BMAL2: variants seen among roughly 807,000 people sequenced by gnomAD.
BMAL2 encodes basic helix-loop-helix ARNT like 2.
At chr12:27,354,046 A>T in the BMAL2 span, among the ~76,000 whole-genome samples, 2 of 152,216 alleles carry the variant, frequency 1.3e-5, no homozygotes, top group African/African-American at 2.4e-5. Flanking sequence ...CTACCATCTG[A>T]CCTAGCAATC....
chr12:27,411,389 A>G, the BMAL2 span, among the ~76,000 whole-genome samples: 1 of 152,020 alleles, frequency 6.6e-6, no homozygotes, highest in African/African-American at 2.4e-5. Context: ...AGGCCAAGGT[A>G]GAGGATCACT....
chr12:27,343,268 CTTCCTTTTTTAAAAAAAGGCTCT>C, the BMAL2 span, among the ~76,000 whole-genome samples: 2 of 152,206 alleles, frequency 1.3e-5, no homozygotes, highest in Non-Finnish European at 2.9e-5. Flanking sequence ...CAGTGTCCTG[CTTCCTTTTTTAAAAAAAGGCTCT>C]TTCCTTTTTT....
the BMAL2 span, chr12:27,385,420 T>G: frequency 2.9e-5 from 29 of 1,003,766 alleles, no homozygotes; most frequent in East Asian, 7.0e-4. Flanking sequence ...TTGCTAATGT[T>G]CATTAAGCAT....
the BMAL2 span, among the ~76,000 whole-genome samples, chr12:27,369,846 T>C: frequency 3.3e-5 from 5 of 152,154 alleles, no homozygotes; most frequent in Admixed American, 6.6e-5. Context: ...GTACTGACAG[T>C]ATGGCATTTT....
At chr12:27,402,744 T>C in the BMAL2 span, 82 of 1,441,690 alleles carry the variant, frequency 5.7e-5, no homozygotes, top group Middle Eastern at 6.7e-4. Flanking sequence ...TTACTATCTT[T>C]TTCTGTCCTG....
the BMAL2 span, among the ~76,000 whole-genome samples, chr12:27,414,586 T>G: frequency 2.6e-5 from 4 of 151,920 alleles, no homozygotes; most frequent in Non-Finnish European, 5.9e-5. Context: ...AAGGGGAAAT[T>G]TAAAAATCTT....
chr12:27,409,668 C>T, the BMAL2 span, among the ~76,000 whole-genome samples: 1 of 152,188 alleles, frequency 6.6e-6, no homozygotes, highest in Non-Finnish European at 1.5e-5. Context: ...GCATACCATT[C>T]AGGACATAGG....
chr12:27,417,505 C>G, the BMAL2 span, among the ~76,000 whole-genome samples: 1 of 152,142 alleles, frequency 6.6e-6, no homozygotes, highest in Admixed American at 6.5e-5. Flanking sequence ...ATCATGGCTT[C>G]AACACCTTGG....
chr12:27,404,932 C>T, the BMAL2 span, among the ~76,000 whole-genome samples: 19 of 152,196 alleles, frequency 1.2e-4, no homozygotes, highest in African/African-American at 4.3e-4. Flanking sequence ...TCTTAGCAAG[C>T]AGCACACCAG....
chr12:27,407,722 A>G, the BMAL2 span, among the ~76,000 whole-genome samples: 20 of 150,414 alleles, frequency 1.3e-4, no homozygotes, highest in Admixed American at 3.3e-4. Context: ...AAGCTAGCAG[A>G]AGACAAGAAA....
chr12:27,361,223 G>C, the BMAL2 span, among the ~76,000 whole-genome samples: 1,145 of 152,116 alleles, frequency 7.5e-3, 4 homozygotes, highest in Non-Finnish European at 0.012. Flanking sequence ...GGCTTCCCTT[G>C]GTTATGACTT....
the BMAL2 span, chr12:27,400,422 T>C: frequency 1.1e-6 from 1 of 903,244 alleles, no homozygotes. Flanking sequence ...TATTTTAGCA[T>C]ATTTAAAGAG....
the BMAL2 span, among the ~76,000 whole-genome samples, chr12:27,346,003 G>A: frequency 6.6e-6 from 1 of 152,160 alleles, no homozygotes; most frequent in African/African-American, 2.4e-5. Flanking sequence ...TAAAAAATTA[G>A]CCAGAAAACC....
At chr12:27,362,466 A>G in the BMAL2 span, among the ~76,000 whole-genome samples, 1 of 152,186 alleles carries the variant, frequency 6.6e-6, no homozygotes, top group South Asian at 2.1e-4. Context: ...AGATGGTAAA[A>G]ATAATGTGTA....
the BMAL2 span, chr12:27,376,431 A>C: frequency 2.5e-6 from 4 of 1,585,286 alleles, no homozygotes; most frequent in African/African-American, 1.3e-5. Context: ...GTGGAAAGGT[A>C]CACAAAGGCA....
the BMAL2 span, among the ~76,000 whole-genome samples, chr12:27,353,230 T>C: frequency 6.6e-6 from 1 of 152,090 alleles, no homozygotes; most frequent in Non-Finnish European, 1.5e-5. Flanking sequence ...AAAACAGACA[T>C]GTAGACCAAT....
chr12:27,397,618 A>G, the BMAL2 span, among the ~76,000 whole-genome samples: 1 of 152,268 alleles, frequency 6.6e-6, no homozygotes, highest in Admixed American at 6.5e-5. Context: ...TTACATAATA[A>G]AAGATTTTTT....
At chr12:27,344,845 AC>A in the BMAL2 span, among the ~76,000 whole-genome samples, 1 of 152,228 alleles carries the variant, frequency 6.6e-6, no homozygotes, top group South Asian at 2.1e-4. Flanking sequence ...AACACCATAG[AC>A]CTGTGAGGAT....
the BMAL2 span, among the ~76,000 whole-genome samples, chr12:27,344,154 T>G: frequency 6.6e-6 from 1 of 152,208 alleles, no homozygotes. Flanking sequence ...TGCCTAAGAT[T>G]AAGGCGGCAG....
Sources: allele counts gnomAD v4.1 joint callset (sites outside exome capture counted in the v4.1 genomes callset), GRCh38; gene constraint gnomAD v4.1.1; transcripts MANE v1.5; gene names NCBI Gene and HGNC (gene_info 2026-07-23, HGNC 2026-07-21).